Variants in SLC35G2 observed in about 807,000 individuals in gnomAD.
SLC35G2 encodes the protein transmembrane protein 22.
Under a neutral mutation model 27.2 loss-of-function variants are expected in SLC35G2, and 20 were observed. The ratio of observed to expected loss-of-function variants is 0.74; its 90% CI spans 0.52 to 1.07. SLC35G2 has a LOEUF of 1.07. SLC35G2 is among the 50% of genes least tolerant of loss of function. The pLI, the probability that SLC35G2 is intolerant of heterozygous loss-of-function variation, is 0.00. For missense variants in SLC35G2, 416 were observed against 493.3 expected, an observed-to-expected ratio of 0.84 and a Z score of 1.48; for synonymous variants, 148 against 165.3, an observed-to-expected ratio of 0.90 and a Z score of 0.80.
At chr3:136,826,838 C>T (rs1048367069) in intron 1 of SLC35G2, among the ~76,000 whole-genome samples, 5 of 151,846 alleles carry the variant, frequency 3.3e-5, no homozygotes, top group Non-Finnish European at 7.4e-5. Context: ...GAGGTTTCAC[C>T]ATGTTGCCCA....
In SLC35G2 at chr3:136,855,036, C is replaced by G. The variant is rs1230872481; in HGVS notation, c.576C>G (p.Ser192Arg). 2.5e-6 allele frequency: 4 copies of G among 1,614,172 alleles called. No individual in the cohort carries two copies. Among genetic ancestry groups the G allele is most frequent in the Non-Finnish European group, 3.4e-6 (4 of 1,180,032 alleles). Residue 192 changes from serine (S) to arginine (R), a missense_variant, in exon 2 of 2, where the codon AGC becomes AGG. Ser to Arg is a moderately radical substitution (Grantham distance 110). Coordinates refer to ENST00000446465, the MANE Select transcript of SLC35G2 (RefSeq NM_025246.3). ...CATCATTTTCAATAGTTCCTCCCAGCAATGGGACCACTATGTGGAGAGCCA... is the reference window on the plus strand; with the variant it reads ...CATCATTTTCAATAGTTCCTCCCAGGAATGGGACCACTATGTGGAGAGCCA... ...AYTSFSIVPP[S>R]NGTTMWRATT...
chr3:136,829,988 AT>A, intron 1 of SLC35G2, among the ~76,000 whole-genome samples: 1 of 150,434 alleles, frequency 6.6e-6, no homozygotes, highest in Non-Finnish European at 1.5e-5. Flanking sequence ...TTCTCATATT[AT>A]TTCTTTGAAT....
chr3:136,830,072 C>G (rs1576889407), intron 1 of SLC35G2, among the ~76,000 whole-genome samples: 1 of 148,124 alleles, frequency 6.8e-6, no homozygotes, highest in East Asian at 2.0e-4. Flanking sequence ...CCTTTTGAGG[C>G]TGTTTCTAGA....
chr3:136,820,441 G>A (rs1356646309), intron 1 of SLC35G2: 2 of 152,230 alleles, frequency 1.3e-5, no homozygotes, highest in East Asian at 3.8e-4. Flanking sequence ...GCCCAACACT[G>A]AAACTCTTTT....
chr3:136,845,948 A>G (rs941637585), intron 1 of SLC35G2, among the ~76,000 whole-genome samples: 6 of 152,138 alleles, frequency 3.9e-5, no homozygotes, highest in Admixed American at 6.6e-5. Context: ...TGGCTGGTCA[A>G]ACATTATTCT....
chr3:136,819,496 G>T lies in SLC35G2; in HGVS notation c.-151G>T, dbSNP rs1258135414. ...CTGGAGAACCGGGACACGGGGACGG[G>T]AGGGCCAGCATCGGCTACGGCCCGG... On this transcript the variant is annotated 5_prime_UTR_variant, in exon 1 of 2. Coordinates refer to ENST00000446465, the MANE Select transcript of SLC35G2 (RefSeq NM_025246.3). 1 of 152,182 alleles carries T rather than the reference G, an allele frequency of 6.6e-6. No homozygotes were observed. The highest frequency in any genetic ancestry group is 2.4e-5 in the African/African-American group (1 of 41,438). 9.4% of individuals were successfully genotyped at this position (152,182 alleles called of 1,614,324 possible). A position where few individuals can be genotyped will look rare whatever the true frequency, so the allele number is the denominator to read the frequency against.
Position 136,838,251 on chromosome 3 carries a change from A to ATG in SLC35G2, c.-18-16191_-18-16190insGT, listed in dbSNP as rs1936936444. The ATG allele has an allele frequency of 3.1e-3, 13 of 4,184 alleles. No homozygotes were observed. The South Asian group carries it at 0.2, about 64-fold the overall frequency. 0.3% of individuals were successfully genotyped at this position (4,184 alleles called of 1,614,324 possible). On this transcript the variant is annotated intron_variant, in intron 1 of 1. Transcript: ENST00000446465. ...CAATTTTGCAGTAGCATATACATAT[A>ATG]TATATATATATATATATATATATAT...
chr3:136,838,538 G>A (rs13327898), intron 1 of SLC35G2: 4 of 152,164 alleles, frequency 2.6e-5, no homozygotes, highest in African/African-American at 9.7e-5. Context: ...TATCTATAGT[G>A]TGAAGAATCA....
chr3:136,838,333 C>T (rs1350058726), intron 1 of SLC35G2: 1 of 150,606 alleles, frequency 6.6e-6, no homozygotes, highest in East Asian at 1.9e-4. Flanking sequence ...CTCCTACAGA[C>T]ATTAAAGGAG....
At chr3:136,834,372 G>A (rs1936809944) in intron 1 of SLC35G2, among the ~76,000 whole-genome samples, 1 of 152,136 alleles carries the variant, frequency 6.6e-6, no homozygotes, top group Non-Finnish European at 1.5e-5. Flanking sequence ...TCACTCTTGT[G>A]GCTGAGGCTG....
In SLC35G2 at chr3:136,854,538, T is replaced by C; in HGVS notation, c.78T>C (p.Tyr26=). The C allele has an allele frequency of 6.2e-7, 1 of 1,610,372 alleles. No homozygotes were observed. Among genetic ancestry groups the C allele is most frequent in the Non-Finnish European group, 8.5e-7 (1 of 1,179,012 alleles). ...KIHPNTVMVK[Y]TSHYPQPGDD... ...ATCCCAACACAGTGATGGTGAAATATACTTCTCATTATCCCCAGCCTGGCG... is the reference window on the plus strand; with the variant it reads ...ATCCCAACACAGTGATGGTGAAATACACTTCTCATTATCCCCAGCCTGGCG... Residue 26 remains tyrosine (Y), a synonymous_variant, in exon 2 of 2, where the codon TAT becomes TAC. Transcript: ENST00000446465.
At chr3:136,822,075 C>T (rs1259051077) in intron 1 of SLC35G2, among the ~76,000 whole-genome samples, 2 of 152,042 alleles carry the variant, frequency 1.3e-5, no homozygotes, top group African/African-American at 2.4e-5. Context: ...AATGGGGTAT[C>T]CATCCCCTTG....
At position 136,822,614 on chromosome 3, in the gene SLC35G2, G is replaced by A. The variant is rs150876005; in HGVS notation, c.-19+2986G>A. 2.3e-3 allele frequency among the ~76,000 whole-genome samples: 349 copies of A among 152,180 alleles called. 2 individuals are homozygous for A. Among genetic ancestry groups the A allele is most frequent in the African/African-American group, 7.7e-3 (321 of 41,538 alleles). On this transcript the variant is annotated intron_variant, in intron 1 of 1. Transcript: ENST00000446465. ...ACAGGCGTGAGCCACTGCGCCCAGC[G>A]TACTCTCTATCTCCATGAGTTCAAT...
rs1261615283 is a variant in SLC35G2 at position 136,819,321 on chromosome 3, C to G, written c.-326C>G. The G allele has an allele frequency of 2.0e-5, 3 of 152,320 alleles. No individual in the cohort carries two copies. The highest frequency in any genetic ancestry group is 4.4e-5 in the Non-Finnish European group (3 of 68,104). 9.4% of individuals were successfully genotyped at this position (152,320 alleles called of 1,614,324 possible). ...GAGCGGACCCCGAACTCCACACACC[C>G]GCGTTTAGCCGCCACACCTAAGGGG... is the stretch of plus-strand genomic sequence containing the variant. On this transcript the variant is annotated 5_prime_UTR_variant, in exon 1 of 2. Transcript: ENST00000446465.
rs1384686582 is a variant in SLC35G2, at chr3:136,855,127, A to C, written c.667A>C (p.Met223Leu). Reference protein sequence around the residue: ...LVDEKMAYVDMATVVCSILGV... With the variant: ...LVDEKMAYVDLATVVCSILGV... The stretch of plus-strand genomic sequence containing the variant: ...AGATGAGAAAATGGCTTATGTTGAC[A>C]TGGCTACAGTTGTTTGCAGCATCTT... The change falls in exon 2 of 2, where the codon ATG (methionine) becomes CTG (leucine). Residue 223 changes from methionine to leucine, a missense_variant. Physicochemically the swap from Met to Leu is conservative, Grantham distance 15 (BLOSUM62 2). Coordinates refer to ENST00000446465, the MANE Select transcript of SLC35G2 (RefSeq NM_025246.3). The C allele has an allele frequency of 3.1e-6, 5 of 1,614,202 alleles. No homozygotes were observed. The highest frequency in any genetic ancestry group is 4.2e-6 in the Non-Finnish European group (5 of 1,180,042).
intron 1 of SLC35G2, among the ~76,000 whole-genome samples, chr3:136,825,457 G>A (rs1002559790): frequency 3.3e-5 from 5 of 151,950 alleles, no homozygotes; most frequent in African/African-American, 1.2e-4. Context: ...TGGCCAGGCT[G>A]GTCTCAAACT....
intron 1 of SLC35G2, among the ~76,000 whole-genome samples, chr3:136,844,567 G>T (rs1162383121): frequency 6.6e-6 from 1 of 151,550 alleles, no homozygotes; most frequent in African/African-American, 2.4e-5. Context: ...GGGAGGCCCA[G>T]GCTGACTGAT....
chr3:136,841,000 G>A (rs561990108), intron 1 of SLC35G2, among the ~76,000 whole-genome samples: 1 of 104,010 alleles, frequency 9.6e-6, no homozygotes, highest in African/African-American at 3.6e-5. Context: ...ATGCGATTTT[G>A]TTTTTTTTTT....
At position 136,855,195 on chromosome 3, in the gene SLC35G2, C is replaced by A; in HGVS notation, c.735C>A (p.Asp245Glu). The A allele has an allele frequency of 6.2e-7, 1 of 1,614,144 alleles. No homozygotes were observed. Among genetic ancestry groups the A allele is most frequent in the Non-Finnish European group, 8.5e-7 (1 of 1,180,020 alleles). ...TGATCCCAAACATTGTTGATGAAGA[C>A]AATTCTTTGTTAAATGCCTGGAAAG... ...LVMIPNIVDEDNSLLNAWKEA... is the reference protein window; with the variant it reads ...LVMIPNIVDEENSLLNAWKEA... The change falls in exon 2 of 2, where the codon GAC becomes GAA. Residue 245 changes from aspartate (D) to glutamate (E), a missense_variant. Physicochemically the swap from Asp to Glu is conservative, Grantham distance 45. Coordinates refer to ENST00000446465, the MANE Select transcript of SLC35G2 (RefSeq NM_025246.3).
Sources: gnomAD v4.1 joint callset for allele counts (sites outside exome capture counted in the v4.1 genomes callset) on GRCh38, gnomAD v4.1.1 for gene constraint, MANE v1.5 for transcripts, NCBI Gene and HGNC (gene_info 2026-07-23, HGNC 2026-07-21) for gene names.